The following PLEKHA7 variants were observed in gnomAD, a reference collection of about 807,000 sequenced individuals.
PLEKHA7 encodes pleckstrin homology domain-containing family A member 7.
PLEKHA7 carries 104 observed loss-of-function variants against 170.0 expected under a neutral mutation model. That is an observed-to-expected ratio of 0.61 (90% CI 0.52 to 0.72). The LOEUF is 0.72. Among genes scored for constraint, PLEKHA7 ranks in the 30% least tolerant of loss-of-function variants. The pLI is 0.00. For missense variants in PLEKHA7, 1,615 were observed against 1,671.7 expected (o/e 0.97, Z 0.59); for synonymous variants, 648 against 660.8 (o/e 0.98, Z 0.30).
At chr11:16,792,362 A>T (rs1847922228) in intron 19 of PLEKHA7, among the ~76,000 whole-genome samples, 1 of 152,206 alleles carries the variant, frequency 6.6e-6, no homozygotes, top group Non-Finnish European at 1.5e-5. Context: ...AAAAGACATT[A>T]AACTCAAGAA....
intron 9 of PLEKHA7, among the ~76,000 whole-genome samples, chr11:16,836,973 G>A (rs887875497): frequency 1.3e-4 from 19 of 151,950 alleles, no homozygotes; most frequent in African/African-American, 3.6e-4. Context: ...ACAGGAACCC[G>A]CCACCAAGCC....
At chr11:16,943,128 C>T (rs1184103076) in intron 3 of PLEKHA7, among the ~76,000 whole-genome samples, 12 of 152,116 alleles carry the variant, frequency 7.9e-5, no homozygotes, top group Admixed American at 2.6e-4. Context: ...AAGCCACATA[C>T]GCAATTTCGA....
chr11:16,795,317 TTAGAG>T (rs140665376), intron 17 of PLEKHA7: 12,365 of 328,092 alleles, frequency 0.038, 309 homozygotes, highest in Middle Eastern at 0.07. Flanking sequence ...TATGACATAC[TTAGAG>T]TAGTCAATTT....
chr11:16,963,482 G>A (rs1345735008), intron 3 of PLEKHA7, among the ~76,000 whole-genome samples: 1 of 152,112 alleles, frequency 6.6e-6, no homozygotes, highest in East Asian at 1.9e-4. Context: ...ACCTGTTTCT[G>A]CAAATCAGAG....
chr11:16,959,681 C>G (rs576362241), intron 3 of PLEKHA7, among the ~76,000 whole-genome samples: 1 of 152,268 alleles, frequency 6.6e-6, no homozygotes, highest in African/African-American at 2.4e-5. Context: ...GGTATTGAAA[C>G]CACCTTGATA....
At chr11:16,796,277 C>A (rs192434793) in intron 17 of PLEKHA7, among the ~76,000 whole-genome samples, 21 of 152,144 alleles carry the variant, frequency 1.4e-4, no homozygotes, top group African/African-American at 4.3e-4. Context: ...TCAGCTGAAC[C>A]CGATATTTGA....
chr11:16,825,714 T>C (rs867446320), intron 10 of PLEKHA7, among the ~76,000 whole-genome samples: 9 of 141,450 alleles, frequency 6.4e-5, no homozygotes, highest in Middle Eastern at 3.7e-3. Flanking sequence ...AATCTGTATT[T>C]ACTCTAGTTT....
At chr11:16,871,300 A>G in intron 3 of PLEKHA7, 118 bp from the exon 4 acceptor site, 1 of 735,130 alleles carries the variant, frequency 1.4e-6, no homozygotes, top group Non-Finnish European at 2.4e-6. Flanking sequence ...AGGGGGAGAA[A>G]TGTGGGCCTT....
At chr11:16,861,695 G>C (rs552373340) in intron 4 of PLEKHA7, among the ~76,000 whole-genome samples, 36 of 152,194 alleles carry the variant, frequency 2.4e-4, no homozygotes, top group African/African-American at 8.7e-4. Context: ...AGGTTAGAAA[G>C]CTATAAGGAA....
At chr11:17,007,596 CAG>C (rs1230463955) in intron 3 of PLEKHA7, among the ~76,000 whole-genome samples, 6 of 128,580 alleles carry the variant, frequency 4.7e-5, no homozygotes, top group African/African-American at 1.2e-4. Context: ...TTTTTTGAGA[CAG>C]AGTCTCATTC....
intron 3 of PLEKHA7, among the ~76,000 whole-genome samples, chr11:16,883,222 A>G (rs2135816314): frequency 6.6e-6 from 1 of 152,298 alleles, no homozygotes; most frequent in South Asian, 2.1e-4. Flanking sequence ...CACCAGCAGA[A>G]GTTGGCAAGC....
intron 6 of PLEKHA7, among the ~76,000 whole-genome samples, chr11:16,853,739 GAGGGACGAC>G (rs1420844003): frequency 6.6e-6 from 1 of 152,242 alleles, no homozygotes; most frequent in East Asian, 1.9e-4. Context: ...TAAGAAAAGA[GAGGGACGAC>G]AGGGCTGTGA....
intron 17 of PLEKHA7, among the ~76,000 whole-genome samples, chr11:16,797,681 AAC>A (rs1848328135): frequency 1.3e-5 from 2 of 152,244 alleles, no homozygotes; most frequent in African/African-American, 4.8e-5. Flanking sequence ...AGCATCCTAA[AAC>A]AGACAGGTGT....
Position 16,789,762 on chromosome 11 carries a change from C to A in PLEKHA7, c.3156+13G>T. The A allele has an allele frequency of 6.2e-7, 1 of 1,608,786 alleles. No individual in the cohort carries two copies. The highest frequency in any genetic ancestry group is 8.5e-7 in the Non-Finnish European group (1 of 1,175,488). On this transcript the variant is annotated intron_variant, in intron 22 of 26. Transcript: ENST00000531066. This position sits in a 1 kb window ranked among gnomAD's most constrained non-coding sequence, Gnocchi z 4.6. ...AGGAGCAGGGAGGTCCTCGACAGCT[C>A]AAGGCCACTCACAGGGAAGGTCGCC...
chr11:16,936,401 C>A (rs1332197404), intron 3 of PLEKHA7, among the ~76,000 whole-genome samples: 116 of 68,114 alleles, frequency 1.7e-3, no homozygotes, highest in East Asian at 2.8e-3. Flanking sequence ...GACTCTGTCT[C>A]AAAAAAAAAA....
intron 12 of PLEKHA7, among the ~76,000 whole-genome samples, chr11:16,814,948 C>G (rs1026221078): frequency 6.6e-6 from 1 of 152,232 alleles, no homozygotes; most frequent in African/African-American, 2.4e-5. Flanking sequence ...GCCAGAGAAG[C>G]GACAGTTTAG....
At chr11:16,810,246 C>T (rs781532798) in intron 13 of PLEKHA7, among the ~76,000 whole-genome samples, 5 of 152,220 alleles carry the variant, frequency 3.3e-5, no homozygotes, top group Non-Finnish European at 4.4e-5. Context: ...TTCTGCAAGC[C>T]GTCAATACCT....
intron 3 of PLEKHA7, among the ~76,000 whole-genome samples, chr11:16,909,567 T>C (rs1248993445): frequency 6.6e-6 from 1 of 152,196 alleles, no homozygotes; most frequent in Non-Finnish European, 1.5e-5. Context: ...GCAAATACTG[T>C]GCTGAGAGCC....
intron 10 of PLEKHA7, among the ~76,000 whole-genome samples, chr11:16,820,417 T>TA (rs1428045637): frequency 6.6e-6 from 1 of 152,212 alleles, no homozygotes; most frequent in Non-Finnish European, 1.5e-5. Flanking sequence ...TTTTAAGATC[T>TA]CTTCAACCTA....
Sources: gnomAD v4.1 joint callset for allele counts (sites outside exome capture counted in the v4.1 genomes callset) on GRCh38, gnomAD v4.1.1 for gene constraint, Gnocchi (gnomAD v3.1) non-coding constraint, MANE v1.5 for transcripts, NCBI Gene and HGNC (gene_info 2026-07-23, HGNC 2026-07-21) for gene names.